SRGAP3: variants seen among roughly 807,000 people sequenced by gnomAD.
SRGAP3 encodes SLIT-ROBO Rho GTPase-activating protein 3.
SRGAP3 carries 39 observed loss-of-function variants against 121.1 expected under a neutral mutation model. The observed-to-expected ratio is 0.32, with a 90% CI of 0.25 to 0.42. The LOEUF (loss-of-function observed/expected upper bound fraction) is 0.42. SRGAP3 is among the 10% of genes least tolerant of loss of function. The probability of loss-of-function intolerance (pLI) is 1.00; values close to 1 mark genes in which losing one functional copy is unlikely to be tolerated. For missense variants in SRGAP3, 1,213 were observed against 1,470.6 expected (o/e 0.82, Z 2.86); for synonymous variants, 601 against 570.0 (o/e 1.05, Z -0.77).
chr3:9,119,335 T>C (rs1296070066), intron 2 of SRGAP3, among the ~76,000 whole-genome samples: 2 of 152,216 alleles, frequency 1.3e-5, no homozygotes, highest in Admixed American at 1.3e-4. Context: ...CACATGCCCA[T>C]GAGTGGGCTC....
intron 1 of SRGAP3, among the ~76,000 whole-genome samples, chr3:9,148,225 C>T (rs1011240173): frequency 2.1e-5 from 3 of 141,658 alleles, no homozygotes; most frequent in South Asian, 2.2e-4. Flanking sequence ...CCTCCAGAAA[C>T]GCCGGCTTTT....
At chr3:9,076,268 G>A (rs1229062914) in intron 4 of SRGAP3, among the ~76,000 whole-genome samples, 1 of 152,154 alleles carries the variant, frequency 6.6e-6, no homozygotes, top group African/African-American at 2.4e-5. Flanking sequence ...TTGTTACACA[G>A]CAACTGATAG....
At position 8,985,531 on chromosome 3, in the gene SRGAP3, C is replaced by G; in HGVS notation, c.3288G>C (p.Ser1096=). 1.3e-6 allele frequency: 2 copies of G among 1,598,870 alleles called. No homozygotes were observed. Among genetic ancestry groups the G allele is most frequent in the Non-Finnish European group, 1.7e-6 (2 of 1,179,454 alleles). Residue 1096 remains serine, a synonymous_variant, in exon 22 of 22, where the codon TCG becomes TCC. Transcript: ENST00000383836. The surrounding 1 kb of genome is among the most constrained non-coding windows in gnomAD (Gnocchi z 5.1). ...KMFPNSSADK[S]GTM is the part of the protein sequence containing the mutation. ...CCCATCCTGCAGGTCACATGGTGCCCGACTTGTCCGCTGAGCTGTTGGGGA... is the reference window on the plus strand; with the variant it reads ...CCCATCCTGCAGGTCACATGGTGCCGGACTTGTCCGCTGAGCTGTTGGGGA...
intron 3 of SRGAP3, among the ~76,000 whole-genome samples, chr3:9,100,796 G>A (rs532266544): frequency 6.6e-6 from 1 of 152,332 alleles, no homozygotes; most frequent in East Asian, 1.9e-4. Context: ...TCTGCCCTGA[G>A]CTGCTCAGAC....
chr3:9,071,268 G>A (rs1946693748), intron 4 of SRGAP3, among the ~76,000 whole-genome samples: 1 of 152,106 alleles, frequency 6.6e-6, no homozygotes, highest in Admixed American at 6.5e-5. Flanking sequence ...TTTGGGAATA[G>A]CCCCCTAATT....
chr3:9,250,058 G>GGAGT (rs1953969672), upstream of SRGAP3, among the ~76,000 whole-genome samples: 1 of 152,172 alleles, frequency 6.6e-6, no homozygotes, highest in South Asian at 2.1e-4. Flanking sequence ...GACGATGCGA[G>GGAGT]GAGTTAAAGG....
intron 14 of SRGAP3, among the ~76,000 whole-genome samples, chr3:9,023,736 A>G (rs555548826): frequency 2.2e-4 from 33 of 152,300 alleles, no homozygotes; most frequent in African/African-American, 7.9e-4. Flanking sequence ...TGTTTAGTGA[A>G]TGAATACATG....
In SRGAP3 at chr3:9,260,471, G is replaced by A. The variant is rs139837700; in HGVS notation, n.442+65539C>T. Among the ~76,000 whole-genome samples the A allele has an allele frequency of 9.4e-4, 143 of 152,314 alleles. 2 individuals are homozygous for A. The highest frequency in any genetic ancestry group is 2.8e-3 in the African/African-American group (116 of 41,580). On this transcript the variant is annotated intron_variant and non_coding_transcript_variant, in intron 3 of 3. Transcript: ENST00000490889. ...TGCTGAGCTTGGTGTGGGGAGGGGC[G>A]TCCGCCATTAAGGAGGCTTGAGTAG...
At chr3:9,026,483 C>T (rs964751399) in intron 13 of SRGAP3, among the ~76,000 whole-genome samples, 5 of 152,150 alleles carry the variant, frequency 3.3e-5, no homozygotes, top group Admixed American at 2.6e-4. Context: ...TCTGGTGACA[C>T]CATGGTTAAC....
chr3:9,017,479 G>C (rs185100389), intron 14 of SRGAP3, among the ~76,000 whole-genome samples: 1 of 152,060 alleles, frequency 6.6e-6, no homozygotes, highest in Non-Finnish European at 1.5e-5. Context: ...CAGGGCTTTT[G>C]TTTATGTTAT....
intron 20 of SRGAP3, among the ~76,000 whole-genome samples, chr3:8,991,744 G>T (rs936447653): frequency 2.0e-5 from 3 of 152,150 alleles, no homozygotes; most frequent in African/African-American, 7.2e-5. Flanking sequence ...GAGGGGAGAG[G>T]GAGAGGGACC....
At chr3:9,129,080 G>A (rs1303465342) in intron 1 of SRGAP3, among the ~76,000 whole-genome samples, 1 of 152,158 alleles carries the variant, frequency 6.6e-6, no homozygotes, top group African/African-American at 2.4e-5. Context: ...TGCTATGTTA[G>A]TTTCTATTTG....
chr3:9,248,762 A>G lies in SRGAP3; in HGVS notation c.67+123T>C, dbSNP rs535499525. 38 of 1,022,044 alleles carry G rather than the reference A, an allele frequency of 3.7e-5. No individual in the cohort carries two copies. In the African/African-American group the frequency reaches 5.4e-4, roughly 15 times the overall value. The allele number at this position is 1,022,044 out of a possible 1,614,324, so 63.3% of individuals were successfully genotyped here. A position where few individuals can be genotyped will look rare whatever the true frequency, so the allele number is the denominator to read the frequency against. On this transcript the variant is annotated intron_variant, in intron 1 of 21. Coordinates refer to ENST00000383836, the MANE Select transcript of SRGAP3 (RefSeq NM_014850.4). ...TGCCACTGTTACTCCTCACAAAAAG[A>G]TTATTGATGCATAACATTTCATAAT... is the stretch of plus-strand genomic sequence containing the variant.
chr3:9,123,446 TCTGTAATCCCAGCACTTTG>T (rs1949098292), intron 2 of SRGAP3, among the ~76,000 whole-genome samples: 1 of 151,662 alleles, frequency 6.6e-6, no homozygotes, highest in Non-Finnish European at 1.5e-5. Flanking sequence ...GTGGCTCACA[TCTGTAATCCCAGCACTTTG>T]GGAGGCTGAA....
At chr3:9,016,558 T>C (rs1313777784) in intron 14 of SRGAP3, among the ~76,000 whole-genome samples, 1 of 152,238 alleles carries the variant, frequency 6.6e-6, no homozygotes, top group Admixed American at 6.5e-5. Flanking sequence ...CCTTGATCAC[T>C]GGGTCAAGGT....
chr3:8,995,162 G>C (rs555263543), intron 18 of SRGAP3, among the ~76,000 whole-genome samples: 9 of 152,156 alleles, frequency 5.9e-5, no homozygotes, highest in African/African-American at 1.7e-4. Flanking sequence ...CATAATCCTA[G>C]TGCTGGTGTC....
intron 1 of SRGAP3, among the ~76,000 whole-genome samples, chr3:9,238,587 A>G (rs1304406505): frequency 6.6e-6 from 1 of 152,142 alleles, no homozygotes; most frequent in Non-Finnish European, 1.5e-5. Context: ...GATCTATAAG[A>G]AAAAAATCTG....
At chr3:9,246,579 T>C (rs1390215940) in intron 1 of SRGAP3, among the ~76,000 whole-genome samples, 2 of 152,164 alleles carry the variant, frequency 1.3e-5, no homozygotes, top group Non-Finnish European at 2.9e-5. Context: ...GGCCTCAGTT[T>C]CCTTGTCTCT....
intron 1 of SRGAP3, among the ~76,000 whole-genome samples, chr3:9,338,225 A>T (rs1404653466): frequency 6.6e-6 from 1 of 152,168 alleles, no homozygotes; most frequent in Non-Finnish European, 1.5e-5. Context: ...GAAGATAATG[A>T]GCCATTTTAT....
Sources: allele counts gnomAD v4.1 joint callset (sites outside exome capture counted in the v4.1 genomes callset), GRCh38; gene constraint gnomAD v4.1.1; non-coding constraint Gnocchi (gnomAD v3.1); transcripts MANE v1.5; gene names NCBI Gene and HGNC (gene_info 2026-07-23, HGNC 2026-07-21).